The following TNPO1 variants were observed in gnomAD, a reference collection of about 807,000 sequenced individuals.
The protein encoded by TNPO1 is transportin-1.
TNPO1 carries 8 observed loss-of-function variants against 119.5 expected under a neutral mutation model. That is an observed-to-expected ratio of 0.07 (90% CI 0.04 to 0.12). The LOEUF (loss-of-function observed/expected upper bound fraction) is 0.12, where lower values mean the gene tolerates loss of function less well. Ranked by LOEUF, TNPO1 falls within the 10% of genes least tolerant of loss-of-function variation. The pLI, the probability that TNPO1 is intolerant of heterozygous loss-of-function variation, is 1.00. For missense variants in TNPO1, 576 were observed against 1,089.8 expected (o/e 0.53, Z 6.64); for synonymous variants, 362 against 363.0 (o/e 1.00, Z 0.03).
In TNPO1 at chr5:72,828,524, C is replaced by G. The variant is rs139652527; in HGVS notation, c.15+11772C>G. Among the ~76,000 whole-genome samples the G allele has an allele frequency of 6.3e-3, 961 of 152,284 alleles. 11 individuals are homozygous for G. Among genetic ancestry groups the G allele is most frequent in the African/African-American group, 0.022 (922 of 41,558 alleles). On this transcript the variant is annotated intron_variant, in intron 1 of 24. Coordinates refer to ENST00000337273, the MANE Select transcript of TNPO1 (RefSeq NM_002270.4). ...CTCTCGCTGTCTCTACACACACATA[C>G]ACACACAAATTTTTGGGGGGTCATT... is the stretch of plus-strand genomic sequence containing the variant.
chr5:72,872,527 G>T (rs1747481122), intron 6 of TNPO1, 112 bp from the exon 7 acceptor site: 3 of 609,952 alleles, frequency 4.9e-6, no homozygotes, highest in Middle Eastern at 4.1e-4. Context: ...TTTTTAGTGG[G>T]TATATTGATA....
At chr5:72,907,380 G>C (rs1259102698) in intron 24 of TNPO1, among the ~76,000 whole-genome samples, 1 of 152,142 alleles carries the variant, frequency 6.6e-6, no homozygotes, top group African/African-American at 2.4e-5. Flanking sequence ...TGTAATTAGA[G>C]CTAAAAGTAG....
intron 2 of TNPO1, among the ~76,000 whole-genome samples, chr5:72,850,865 C>T (rs1745494018): frequency 6.6e-6 from 1 of 152,034 alleles, no homozygotes; most frequent in Non-Finnish European, 1.5e-5. Flanking sequence ...CTCTGAAAGA[C>T]TTGTTTTCAT....
chr5:72,824,505 C>A (rs1212786907), intron 1 of TNPO1, among the ~76,000 whole-genome samples: 1 of 152,188 alleles, frequency 6.6e-6, no homozygotes, highest in East Asian at 1.9e-4. Context: ...TGATTCTCAT[C>A]CTATGTGACC....
chr5:72,893,002 G>A, intron 15 of TNPO1, 137 bp from the exon 16 acceptor site: 1 of 562,200 alleles, frequency 1.8e-6, no homozygotes, highest in Non-Finnish European at 3.1e-6. Context: ...TGGGGTGGGG[G>A]GAGGGGAACC....
chr5:72,847,490 T>A (rs929930932), intron 1 of TNPO1, among the ~76,000 whole-genome samples: 2 of 152,220 alleles, frequency 1.3e-5, no homozygotes, highest in Non-Finnish European at 2.9e-5. Context: ...AGTTGCCACA[T>A]GGAGGCAAAT....
intron 1 of TNPO1, among the ~76,000 whole-genome samples, chr5:72,835,149 G>A (rs1744645873): frequency 6.6e-6 from 1 of 152,154 alleles, no homozygotes. Flanking sequence ...GCATTTCTTA[G>A]ACCGTATCCC....
At chr5:72,862,917 G>T (rs142986611) in intron 5 of TNPO1, among the ~76,000 whole-genome samples, 89 of 152,020 alleles carry the variant, frequency 5.9e-4, no homozygotes, top group African/African-American at 2.1e-3. Flanking sequence ...CAAAGTGTTA[G>T]GATTACAGGT....
Position 72,855,997 on chromosome 5 carries a change from T to A in TNPO1, c.355+74T>A. The A allele has an allele frequency of 2.0e-6, 3 of 1,477,054 alleles. No individual in the cohort carries two copies. In the African/African-American group the frequency reaches 4.2e-5, roughly 21 times the overall value. 91.5% of individuals were successfully genotyped at this position (1,477,054 alleles called of 1,614,324 possible). ...TTTTTAGAGATGACAGATTATTTCC[T>A]TAGGAATTTTTGTCTGTTTCATGTT... On this transcript the variant is annotated intron_variant, in intron 4 of 24. Transcript: ENST00000337273.
chr5:72,827,809 A>G (rs1304288305), intron 1 of TNPO1, among the ~76,000 whole-genome samples: 4 of 151,410 alleles, frequency 2.6e-5, no homozygotes, highest in Admixed American at 2.0e-4. Context: ...AGTCCCAGCT[A>G]CTCAGGATGC....
intron 6 of TNPO1, among the ~76,000 whole-genome samples, chr5:72,867,735 C>G (rs184120315): frequency 1.3e-5 from 2 of 152,312 alleles, no homozygotes; most frequent in African/African-American, 2.4e-5. Context: ...TGAGATATAT[C>G]TTAGTTTTTA....
Position 72,883,252 on chromosome 5 carries a change from G to A in TNPO1, c.1150+20G>A, listed in dbSNP as rs750197404. 2.6e-6 allele frequency: 3 copies of A among 1,171,944 alleles called. No homozygotes were observed. The highest frequency in any genetic ancestry group is 3.8e-6 in the Non-Finnish European group (3 of 782,526). 72.6% of individuals were successfully genotyped at this position (1,171,944 alleles called of 1,614,324 possible). A position where few individuals can be genotyped will look rare whatever the true frequency, so the allele number is the denominator to read the frequency against. Reference sequence around the variant, plus strand: ...ATCTAAGTAAGTCAGAAAGGGAAAAGCACAGTTGCCTACTTTGATGATAAC... The same window carrying A: ...ATCTAAGTAAGTCAGAAAGGGAAAAACACAGTTGCCTACTTTGATGATAAC... On this transcript the variant is annotated intron_variant, in intron 11 of 24. Coordinates refer to ENST00000337273, the MANE Select transcript of TNPO1 (RefSeq NM_002270.4).
At chr5:72,850,101 A>AC (rs1561306987) in intron 2 of TNPO1, among the ~76,000 whole-genome samples, 1 of 152,212 alleles carries the variant, frequency 6.6e-6, no homozygotes, top group African/African-American at 2.4e-5. Context: ...CTAAGAATAC[A>AC]TACTGCTGTT....
intron 12 of TNPO1, among the ~76,000 whole-genome samples, chr5:72,887,499 T>A (rs1267999098): frequency 6.6e-6 from 1 of 152,140 alleles, no homozygotes; most frequent in Non-Finnish European, 1.5e-5. Context: ...CCAGCCTGGT[T>A]AACATGGCGA....
Position 72,910,053 on chromosome 5 carries a change from C to T in TNPO1, c.*1380C>T, listed in dbSNP as rs1750453961. The T allele has an allele frequency of 6.5e-6, 1 of 152,728 alleles. No individual in the cohort carries two copies. The highest frequency in any genetic ancestry group is 2.4e-5 in the African/African-American group (1 of 41,582). 9.5% of individuals were successfully genotyped at this position (152,728 alleles called of 1,614,324 possible). A position where few individuals can be genotyped will look rare whatever the true frequency, so the allele number is the denominator to read the frequency against. On this transcript the variant is annotated 3_prime_UTR_variant, in exon 25 of 25. Coordinates refer to ENST00000337273, the MANE Select transcript of TNPO1 (RefSeq NM_002270.4). ...ATTGCTATATTTCAATGTTTATTCCCACTCAACATACTGCCTTCTAAGCTT... is the reference window on the plus strand; with the variant it reads ...ATTGCTATATTTCAATGTTTATTCCTACTCAACATACTGCCTTCTAAGCTT...
At chr5:72,881,054 C>T (rs1748206248) in intron 9 of TNPO1, among the ~76,000 whole-genome samples, 1 of 152,040 alleles carries the variant, frequency 6.6e-6, no homozygotes, top group Non-Finnish European at 1.5e-5. Context: ...TTACTAGGCC[C>T]ATCTGCCACC....
At chr5:72,847,456 T>G (rs755169928) in intron 1 of TNPO1, among the ~76,000 whole-genome samples, 2 of 152,230 alleles carry the variant, frequency 1.3e-5, no homozygotes, top group Non-Finnish European at 2.9e-5. Flanking sequence ...AGTGTGGTTG[T>G]TTGCTCAGAT....
chr5:72,892,798 G>A (rs2112460569), intron 15 of TNPO1, among the ~76,000 whole-genome samples: 1 of 152,258 alleles, frequency 6.6e-6, no homozygotes, highest in Non-Finnish European at 1.5e-5. Context: ...AATGTGCCCA[G>A]TAAAGTCCAT....
intron 2 of TNPO1, among the ~76,000 whole-genome samples, chr5:72,849,478 T>C (rs1580389119): frequency 1.3e-5 from 2 of 152,364 alleles, no homozygotes; most frequent in East Asian, 1.9e-4. Flanking sequence ...TTACTTAATA[T>C]GGAGTTTGGT....
Sources: allele counts gnomAD v4.1 joint callset (sites outside exome capture counted in the v4.1 genomes callset), GRCh38; gene constraint gnomAD v4.1.1; transcripts MANE v1.5; gene names NCBI Gene and HGNC (gene_info 2026-07-23, HGNC 2026-07-21).